The following PTPRS variants were observed in gnomAD, a reference collection of about 807,000 sequenced individuals.
The protein encoded by PTPRS is receptor-type tyrosine-protein phosphatase S.
A neutral mutation model predicts 215.3 loss-of-function variants in PTPRS; 63 were observed. The observed-to-expected ratio is 0.29, with a 90% confidence interval of 0.24 to 0.36. PTPRS has a LOEUF of 0.36. PTPRS is among the 10% of genes least tolerant of loss of function. The probability of loss-of-function intolerance (pLI) is 1.00; values close to 1 mark genes in which losing one functional copy is unlikely to be tolerated. For missense variants in PTPRS, 2,258 were observed against 2,825.8 expected (o/e 0.80, Z 4.56); for synonymous variants, 1,404 against 1,191.4 (o/e 1.18, Z -3.68).
intron 13 of PTPRS, among the ~76,000 whole-genome samples, chr19:5,238,086 C>G (rs190230585): frequency 2.1e-4 from 32 of 152,214 alleles, no homozygotes; most frequent in African/African-American, 7.5e-4. Context: ...AGGGGGAGGC[C>G]ACGACAGAGA....
intron 1 of PTPRS, among the ~76,000 whole-genome samples, chr19:5,315,868 C>A (rs374650604): frequency 1.3e-5 from 2 of 151,996 alleles, no homozygotes; most frequent in Non-Finnish European, 2.9e-5. Flanking sequence ...TGGCCCCAAG[C>A]GATCCTCCCA....
At chr19:5,212,916 C>G (rs927595595) in intron 30 of PTPRS, among the ~76,000 whole-genome samples, 9 of 150,704 alleles carry the variant, frequency 6.0e-5, no homozygotes, top group African/African-American at 2.2e-4. Flanking sequence ...TCTAGCTGGC[C>G]CTGGACGGTT....
chr19:5,214,864 T>C, intron 28 of PTPRS, 128 bp from the exon 29 acceptor site: 1 of 986,176 alleles, frequency 1.0e-6, no homozygotes, highest in Non-Finnish European at 1.5e-6. Flanking sequence ...CCATGGGACG[T>C]GTACTTCACA....
intron 1 of PTPRS, among the ~76,000 whole-genome samples, chr19:5,324,226 C>CAAAAAAAAAA (rs55793961): frequency 1.4e-5 from 1 of 73,856 alleles, no homozygotes; most frequent in African/African-American, 5.1e-5. Flanking sequence ...AACCCTGCCT[C>CAAAAAAAAAA]AAAAAAAAAA....
intron 1 of PTPRS, 82 bp from the exon 2 acceptor site, chr19:5,286,316 T>G: frequency 1.5e-6 from 1 of 676,016 alleles, no homozygotes; most frequent in South Asian, 1.7e-5. Context: ...GAGGGTCACA[T>G]GGAGCAGGGG....
chr19:5,276,754 G>T (rs2047405171), intron 2 of PTPRS, among the ~76,000 whole-genome samples: 1 of 151,894 alleles, frequency 6.6e-6, no homozygotes, highest in Admixed American at 6.6e-5. Context: ...GTGTTAGCCA[G>T]GATGGTCTCG....
intron 1 of PTPRS, among the ~76,000 whole-genome samples, chr19:5,291,120 T>A (rs1298652131): frequency 1.3e-5 from 2 of 151,952 alleles, no homozygotes; most frequent in Non-Finnish European, 2.9e-5. Context: ...ACTATTGATT[T>A]GTATTGGGAC....
chr19:5,258,244 G>T, intron 7 of PTPRS, 117 bp from the exon 8 acceptor site: 2 of 834,498 alleles, frequency 2.4e-6, no homozygotes, highest in Non-Finnish European at 3.9e-6. Context: ...GGCCAGAGAG[G>T]CAGATAAGAG....
intron 11 of PTPRS, among the ~76,000 whole-genome samples, chr19:5,241,533 C>T (rs560860600): frequency 3.9e-5 from 6 of 152,080 alleles, no homozygotes; most frequent in African/African-American, 7.2e-5. Context: ...AACCTCCTGC[C>T]TCAGCCTCCC....
chr19:5,222,084 C>CCCTGCCTG (rs761189756), intron 19 of PTPRS, 39 bp downstream of exon 19: 30 of 1,503,904 alleles, frequency 2.0e-5, no homozygotes, highest in Non-Finnish European at 2.6e-5. Flanking sequence ...CAACCCCTGA[C>CCCTGCCTG]CCTGCCTGCC....
At chr19:5,300,443 G>A (rs1357956360) in intron 1 of PTPRS, among the ~76,000 whole-genome samples, 1 of 151,894 alleles carries the variant, frequency 6.6e-6, no homozygotes, top group Non-Finnish European at 1.5e-5. Flanking sequence ...TGCCAGGGTC[G>A]AGTACACAGT....
chr19:5,286,174 G>T lies in PTPRS; in HGVS notation c.-34C>A. ...GCGACCTCCGATCTCCGCCCTGGAG[G>T]GGGATGGCCCCCCGGTCCCTCACAG... On this transcript the variant is annotated 5_prime_UTR_variant, in exon 2 of 38. Coordinates refer to ENST00000262963, the MANE Select transcript of PTPRS (RefSeq NM_002850.4). 3 of 1,609,090 alleles carry T rather than the reference G, an allele frequency of 1.9e-6. No individual in the cohort carries two copies. Among genetic ancestry groups the T allele is most frequent in the Non-Finnish European group, 2.5e-6 (3 of 1,177,904 alleles).
At chr19:5,272,850 C>T (rs1215848657) in intron 4 of PTPRS, among the ~76,000 whole-genome samples, 1 of 152,090 alleles carries the variant, frequency 6.6e-6, no homozygotes, top group Non-Finnish European at 1.5e-5. Context: ...CCACCATGCC[C>T]AACCCTGTTT....
rs373072829 is a variant in PTPRS, at chr19:5,329,454, G to A, written c.-95+11210C>T. 7.9e-5 allele frequency among the ~76,000 whole-genome samples: 12 copies of A among 152,276 alleles called. No individual in the cohort carries two copies. In the South Asian group the frequency reaches 1.0e-3, roughly 13 times the overall value. ...GCAGCCCCCAGTGCAAAATGAAACC[G>A]TGGGGTTTTCCTTGTTTAAAAATTA... On this transcript the variant is annotated intron_variant, in intron 1 of 37. Coordinates refer to ENST00000262963, the MANE Select transcript of PTPRS (RefSeq NM_002850.4).
intron 13 of PTPRS, among the ~76,000 whole-genome samples, chr19:5,236,915 A>AG (rs1247326507): frequency 1.3e-5 from 2 of 151,120 alleles, no homozygotes; most frequent in Non-Finnish European, 2.9e-5. Context: ...AGAAAGGGGG[A>AG]GAAAAAATAA....
At position 5,247,115 on chromosome 19, in the gene PTPRS, TATTA is replaced by T. The variant is rs1214984164; in HGVS notation, c.719-1074_719-1071del. On this transcript the variant is annotated intron_variant, in intron 9 of 37. Coordinates refer to ENST00000262963, the MANE Select transcript of PTPRS (RefSeq NM_002850.4). ...AGGGGGGGCCCACTTCAATGCTGCA[TATTA>T]ATTCTAGCAGATGTGATCCAATGTG... is the stretch of plus-strand genomic sequence containing the variant. Among the ~76,000 whole-genome samples, 3 of 151,938 alleles carry T rather than the reference TATTA, an allele frequency of 2.0e-5. No homozygotes were observed. The East Asian group carries it at 5.8e-4, about 29-fold the overall frequency.
chr19:5,239,565 CACAGAG>C (rs1371282438), intron 12 of PTPRS, among the ~76,000 whole-genome samples: 1 of 149,228 alleles, frequency 6.7e-6, no homozygotes, highest in Non-Finnish European at 1.5e-5. Context: ...GAGATAGACA[CACAGAG>C]ACAGAGAAAT....
chr19:5,256,652 G>A (rs2045575953), intron 8 of PTPRS, among the ~76,000 whole-genome samples: 1 of 152,186 alleles, frequency 6.6e-6, no homozygotes. Flanking sequence ...AGACCAGTCA[G>A]TTGGAGTCAC....
chr19:5,322,315 A>G (rs749149237), intron 1 of PTPRS, among the ~76,000 whole-genome samples: 1 of 152,208 alleles, frequency 6.6e-6, no homozygotes. Context: ...AACACCAGCT[A>G]TATTTTTAAA....
Sources: allele counts gnomAD v4.1 joint callset (sites outside exome capture counted in the v4.1 genomes callset), GRCh38; gene constraint gnomAD v4.1.1; transcripts MANE v1.5; gene names NCBI Gene and HGNC (gene_info 2026-07-23, HGNC 2026-07-21).